The following IGF1R variants were observed in gnomAD, a reference collection of about 807,000 sequenced individuals.
IGF1R encodes insulin-like growth factor 1 receptor.
Under a neutral mutation model 144.6 loss-of-function variants are expected in IGF1R, and 44 were observed. The observed-to-expected ratio is 0.30, with a 90% CI of 0.24 to 0.39. The LOEUF (loss-of-function observed/expected upper bound fraction) is 0.39, where lower values mean the gene tolerates loss of function less well. IGF1R is among the 10% of genes least tolerant of loss of function. The probability of loss-of-function intolerance (pLI) is 1.00; values close to 1 mark genes in which losing one functional copy is unlikely to be tolerated. For missense variants in IGF1R, 1,355 were observed against 1,833.7 expected (o/e 0.74, Z 4.77); for synonymous variants, 795 against 722.8 (o/e 1.10, Z -1.60).
chr15:98,820,859 G>T (rs914813213), intron 2 of IGF1R: 1 of 152,136 alleles, frequency 6.6e-6, no homozygotes, highest in African/African-American at 2.4e-5. Context: ...ACCTCTCTTT[G>T]ACATCACAAT....
At chr15:98,797,985 G>A (rs1361671583) in intron 2 of IGF1R, among the ~76,000 whole-genome samples, 1 of 152,240 alleles carries the variant, frequency 6.6e-6, no homozygotes. Flanking sequence ...GAGAAGACGT[G>A]GAGAGGAACA....
intron 2 of IGF1R, among the ~76,000 whole-genome samples, chr15:98,847,594 TATAACC>T (rs1567159247): frequency 6.6e-6 from 1 of 152,232 alleles, no homozygotes; most frequent in Non-Finnish European, 1.5e-5. Context: ...AATGCTCGTT[TATAACC>T]ATGGAAGTTT....
chr15:98,861,952 T>A (rs1401799839), intron 2 of IGF1R, among the ~76,000 whole-genome samples: 1 of 152,240 alleles, frequency 6.6e-6, no homozygotes, highest in Non-Finnish European at 1.5e-5. Context: ...TTGGCCTCAA[T>A]TTTTTGTTAT....
intron 2 of IGF1R, among the ~76,000 whole-genome samples, chr15:98,763,913 C>T (rs2055370104): frequency 6.6e-6 from 1 of 152,192 alleles, no homozygotes; most frequent in Admixed American, 6.5e-5. Flanking sequence ...TGGCCATGTA[C>T]TTTGCTTCTA....
At chr15:98,912,235 A>T (rs556054539) in intron 7 of IGF1R, among the ~76,000 whole-genome samples, 14 of 152,304 alleles carry the variant, frequency 9.2e-5, no homozygotes, top group African/African-American at 3.4e-4. Flanking sequence ...GAGGCACCTT[A>T]TGACAGCATC....
chr15:98,921,586 C>G (rs369742563), intron 10 of IGF1R, among the ~76,000 whole-genome samples: 47 of 151,942 alleles, frequency 3.1e-4, no homozygotes, highest in East Asian at 1.4e-3. Flanking sequence ...AGCAGGAGCC[C>G]CCAAGAAGAG....
intron 20 of IGF1R, among the ~76,000 whole-genome samples, chr15:98,951,335 C>T (rs1347381184): frequency 6.6e-6 from 1 of 152,240 alleles, no homozygotes; most frequent in African/African-American, 2.4e-5. Context: ...ATCAAGGAAA[C>T]TTCCCAGCAT....
intron 9 of IGF1R, 122 bp from the exon 10 acceptor site, chr15:98,916,550 C>T: frequency 1.1e-6 from 1 of 915,904 alleles, no homozygotes; most frequent in South Asian, 1.4e-5. Context: ...CCTTGAGCCA[C>T]CACATCTGGC....
intron 2 of IGF1R, among the ~76,000 whole-genome samples, chr15:98,729,594 A>T (rs2054450548): frequency 6.7e-6 from 1 of 148,992 alleles, no homozygotes; most frequent in Non-Finnish European, 1.5e-5. Flanking sequence ...ACCTTTCCAC[A>T]TCTCATTGTC....
At chr15:98,670,177 C>T (rs886538504) in intron 1 of IGF1R, among the ~76,000 whole-genome samples, 8 of 152,122 alleles carry the variant, frequency 5.3e-5, no homozygotes, top group African/African-American at 1.9e-4. Flanking sequence ...GTGTGCCCAG[C>T]TGTGGAATGG....
chr15:98,849,255 T>C (rs1460372442), intron 2 of IGF1R, among the ~76,000 whole-genome samples: 2 of 152,260 alleles, frequency 1.3e-5, no homozygotes, highest in African/African-American at 4.8e-5. Context: ...GAAATTTAGT[T>C]ATTCGATAAA....
intron 2 of IGF1R, among the ~76,000 whole-genome samples, chr15:98,869,434 CTTTT>C (rs60569365): frequency 1.7e-3 from 226 of 134,916 alleles, no homozygotes; most frequent in African/African-American, 6.0e-3. Context: ...CCTTGAGATT[CTTTT>C]TTTTTTTTTT....
chr15:98,954,573 G>C (rs776464849), intron 20 of IGF1R, among the ~76,000 whole-genome samples: 4 of 152,136 alleles, frequency 2.6e-5, no homozygotes, highest in Non-Finnish European at 5.9e-5. Context: ...ACTCTGGAAT[G>C]GTTTAAAAGA....
rs1180011802 is a variant in IGF1R, at chr15:98,963,212, CATT to C, written c.*5771_*5773del. 8 of 164,722 alleles carry C rather than the reference CATT, an allele frequency of 4.9e-5. No individual in the cohort carries two copies. Among genetic ancestry groups the C allele is most frequent in the African/African-American group, 8.5e-5 (2 of 23,478 alleles). 10.2% of individuals were successfully genotyped at this position (164,722 alleles called of 1,614,324 possible). On this transcript the variant is annotated 3_prime_UTR_variant, in exon 21 of 21. Transcript: ENST00000650285. ...TGTGTGCAAATGTGTGTTTGTGATCCATTTTTTTTTTTTTTTTTTAGGACACCT... is the reference window on the plus strand; with the variant it reads ...TGTGTGCAAATGTGTGTTTGTGATCCTTTTTTTTTTTTTTTTAGGACACCT...
intron 15 of IGF1R, 54 bp downstream of exon 15, chr15:98,930,359 C>G: frequency 7.7e-7 from 1 of 1,303,492 alleles, no homozygotes; most frequent in East Asian, 2.3e-5. Flanking sequence ...AGATCGGGAG[C>G]TTTCAGGAGG....
intron 1 of IGF1R, among the ~76,000 whole-genome samples, chr15:98,702,098 C>T (rs1405018392): frequency 3.6e-5 from 5 of 138,694 alleles, no homozygotes; most frequent in Admixed American, 1.6e-4. Flanking sequence ...TTACAGTTCT[C>T]GTGTAGGTCT....
At chr15:98,851,089 C>G (rs1005551439) in intron 2 of IGF1R, among the ~76,000 whole-genome samples, 2 of 152,134 alleles carry the variant, frequency 1.3e-5, no homozygotes, top group Non-Finnish European at 2.9e-5. Flanking sequence ...CAAGGGAAGC[C>G]GTGGAGAACA....
intron 2 of IGF1R, among the ~76,000 whole-genome samples, chr15:98,829,099 T>C (rs1034213016): frequency 3.3e-5 from 5 of 152,152 alleles, no homozygotes; most frequent in Non-Finnish European, 7.3e-5. Flanking sequence ...ACTTTATTAA[T>C]TTAAAAATAA....
At chr15:98,761,053 G>T (rs1029158660) in intron 2 of IGF1R, among the ~76,000 whole-genome samples, 5 of 152,240 alleles carry the variant, frequency 3.3e-5, no homozygotes, top group African/African-American at 1.2e-4. Flanking sequence ...TAGAGTCGGG[G>T]CCTAAACACC....
Sources: allele counts gnomAD v4.1 joint callset (sites outside exome capture counted in the v4.1 genomes callset), GRCh38; gene constraint gnomAD v4.1.1; transcripts MANE v1.5; gene names NCBI Gene and HGNC (gene_info 2026-07-23, HGNC 2026-07-21).